EPM2A: variants seen among roughly 807,000 people sequenced by gnomAD.
The protein encoded by EPM2A is laforin.
EPM2A carries 21 observed loss-of-function variants against 26.5 expected under a neutral mutation model. The observed-to-expected ratio is 0.79, with a 90% CI of 0.56 to 1.14. The LOEUF (loss-of-function observed/expected upper bound fraction) is 1.14. Among genes scored for constraint, EPM2A ranks in the 50% most tolerant of loss-of-function variants. EPM2A has a pLI of 0.00. For missense variants in EPM2A, 458 were observed against 440.8 expected, an observed-to-expected ratio of 1.04 and a Z score of -0.35; for synonymous variants, 217 against 177.6, an observed-to-expected ratio of 1.22 and a Z score of -1.76.
chr6:145,708,611 C>G lies in EPM2A; in HGVS notation c.302-22315G>C, dbSNP rs572766556. Among the ~76,000 whole-genome samples, 6 of 152,354 alleles carry G rather than the reference C, an allele frequency of 3.9e-5. No homozygotes were observed. The South Asian group carries it at 1.2e-3, about 32-fold the overall frequency. On this transcript the variant is annotated intron_variant, in intron 1 of 3. Transcript: ENST00000367519. Reference sequence around the variant, plus strand: ...AGAATTGAGGTTTGGGAACCTCCACCTAGATTTCAGAGGATGTATGAAAAG... The same window carrying G: ...AGAATTGAGGTTTGGGAACCTCCACGTAGATTTCAGAGGATGTATGAAAAG...
intron 2 of EPM2A, among the ~76,000 whole-genome samples, chr6:145,669,191 C>T (rs1377381632): frequency 6.6e-6 from 1 of 152,024 alleles, no homozygotes; most frequent in Non-Finnish European, 1.5e-5. Flanking sequence ...AGGCATTTTA[C>T]AACTTATCAA....
In EPM2A at chr6:145,393,038, G is replaced by A. The variant is rs962059878; in HGVS notation, c.556-8941C>T. 3.9e-5 allele frequency among the ~76,000 whole-genome samples: 6 copies of A among 152,076 alleles called. No homozygotes were observed. In the South Asian group the frequency reaches 6.3e-4, roughly 16 times the overall value. On this transcript the variant is annotated intron_variant, in intron 4 of 4. Coordinates refer to the EPM2A transcript ENST00000638717. ...GAATTCAGGCATCAAAGATTTAAAT[G>A]ATGATAATGCCAAGCTTTCCAACTC...
intron 4 of EPM2A, among the ~76,000 whole-genome samples, chr6:145,410,847 G>C (rs1422400617): frequency 6.6e-6 from 1 of 152,124 alleles, no homozygotes; most frequent in African/African-American, 2.4e-5. Flanking sequence ...CTATTACTTA[G>C]GACTCTCCCC....
At chr6:145,386,603 G>C (rs1778265406) in intron 4 of EPM2A, among the ~76,000 whole-genome samples, 1 of 152,026 alleles carries the variant, frequency 6.6e-6, no homozygotes, top group Admixed American at 6.6e-5. Context: ...CTTAATAACT[G>C]TGTTTACAAC....
chr6:145,654,616 C>G (rs1778130245), intron 2 of EPM2A, among the ~76,000 whole-genome samples: 1 of 152,182 alleles, frequency 6.6e-6, no homozygotes, highest in African/African-American at 2.4e-5. Flanking sequence ...TATACCTGAT[C>G]TAGATTCTAA....
chr6:145,550,649 G>C (rs1158938735), intron 2 of EPM2A, among the ~76,000 whole-genome samples: 1 of 151,890 alleles, frequency 6.6e-6, no homozygotes, highest in East Asian at 1.9e-4. Context: ...CTGCTATGCT[G>C]CTCCTGAATC....
intron 4 of EPM2A, among the ~76,000 whole-genome samples, chr6:145,403,785 T>A (rs1032270455): frequency 1.3e-5 from 2 of 152,150 alleles, no homozygotes; most frequent in Non-Finnish European, 2.9e-5. Context: ...TACCCAGCAG[T>A]GGGATTGCTG....
At chr6:145,440,612 C>A (rs980721614) in intron 4 of EPM2A, among the ~76,000 whole-genome samples, 17 of 152,164 alleles carry the variant, frequency 1.1e-4, no homozygotes, top group Non-Finnish European at 4.4e-5. Context: ...TTAGTTACTT[C>A]CTAGATACAA....
intron 2 of EPM2A, chr6:145,640,906 T>A (rs1777039671): frequency 6.6e-6 from 1 of 152,200 alleles, no homozygotes; most frequent in Non-Finnish European, 1.5e-5. Context: ...TAAGGCTGAA[T>A]AACTACTCAA....
intron 4 of EPM2A, among the ~76,000 whole-genome samples, chr6:145,403,871 A>G (rs1434778828): frequency 6.6e-6 from 1 of 152,134 alleles, no homozygotes; most frequent in African/African-American, 2.4e-5. Flanking sequence ...ACTAATTTAC[A>G]TTCTCACCAA....
chr6:145,444,102 T>C (rs1299165349), intron 4 of EPM2A, among the ~76,000 whole-genome samples: 1 of 152,222 alleles, frequency 6.6e-6, no homozygotes, highest in Non-Finnish European at 1.5e-5. Flanking sequence ...TCTTTTATTA[T>C]ATTTCTTTAG....
At chr6:145,575,520 T>A (rs2114829882) in intron 2 of EPM2A, among the ~76,000 whole-genome samples, 1 of 152,314 alleles carries the variant, frequency 6.6e-6, no homozygotes, top group Admixed American at 6.5e-5. Flanking sequence ...AGTATCTGCT[T>A]CTGAAGCCGG....
chr6:145,549,687 A>G (rs1035650112), intron 2 of EPM2A, among the ~76,000 whole-genome samples: 3 of 152,146 alleles, frequency 2.0e-5, no homozygotes, highest in Non-Finnish European at 2.9e-5. Context: ...GCTAAGGGAA[A>G]TTGCTTCTAG....
At chr6:145,654,982 G>C (rs112676069) in intron 2 of EPM2A, among the ~76,000 whole-genome samples, 223 of 152,126 alleles carry the variant, frequency 1.5e-3, no homozygotes, top group African/African-American at 5.1e-3. Context: ...AGCTTCTTGA[G>C]TGTACATTAT....
intron 4 of EPM2A, among the ~76,000 whole-genome samples, chr6:145,429,992 T>A (rs1303845457): frequency 6.6e-6 from 1 of 151,846 alleles, no homozygotes. Flanking sequence ...AAGTCAGGAG[T>A]TCGAGACCAG....
intron 2 of EPM2A, among the ~76,000 whole-genome samples, chr6:145,681,913 T>C (rs1780565667): frequency 6.6e-6 from 1 of 152,168 alleles, no homozygotes; most frequent in Non-Finnish European, 1.5e-5. Flanking sequence ...TACCCCATGT[T>C]CAGGCTAATT....
In EPM2A at chr6:145,612,712, TTTATATATA is replaced by T. The variant is rs1007298682; in HGVS notation, c.340+22524_340+22532del. ...GTTATCTATTAAGAGTACAATATTA[TTTATATATA>T]TTATATATATTATATTATATATAGG... is the stretch of plus-strand genomic sequence containing the variant. On this transcript the variant is annotated intron_variant, in intron 2 of 3. Transcript: ENST00000450221. Among the ~76,000 whole-genome samples the T allele has an allele frequency of 3.7e-3, 553 of 148,172 alleles. 5 individuals carry two copies. The highest frequency in any genetic ancestry group is 0.013 in the African/African-American group (512 of 40,892).
intron 1 of EPM2A, among the ~76,000 whole-genome samples, chr6:145,720,110 C>T (rs576039918): frequency 6.7e-4 from 102 of 152,196 alleles, no homozygotes; most frequent in Admixed American, 1.3e-3. Context: ...GATAATAAAA[C>T]TTCTTCAACC....
At chr6:145,701,837 T>G (rs1781928617) in intron 1 of EPM2A, among the ~76,000 whole-genome samples, 1 of 152,194 alleles carries the variant, frequency 6.6e-6, no homozygotes, top group Admixed American at 6.5e-5. Context: ...CAACTGATTT[T>G]TATTTAAACA....
Sources: allele counts gnomAD v4.1 joint callset (sites outside exome capture counted in the v4.1 genomes callset), GRCh38; gene constraint gnomAD v4.1.1; transcripts MANE v1.5; gene names NCBI Gene and HGNC (gene_info 2026-07-23, HGNC 2026-07-21).